Variants in TRDN observed in about 807,000 individuals in gnomAD.
TRDN encodes the protein triadin in skeletal muscle.
A neutral mutation model predicts 149.7 loss-of-function variants in TRDN; 161 were observed. The observed-to-expected ratio is 1.08, with a 90% CI of 0.95 to 1.23. TRDN has a LOEUF of 1.23. TRDN is among the 50% of genes most tolerant of loss of function. The probability of loss-of-function intolerance (pLI) is 0.00; values close to 1 mark genes in which losing one functional copy is unlikely to be tolerated. For synonymous variants in TRDN, 294 were observed against 250.5 expected (o/e 1.17, Z -1.64); for missense variants, 896 against 823.5 (o/e 1.09, Z -1.08).
chr6:123,244,268 C>T (rs1776096851), intron 38 of TRDN, among the ~76,000 whole-genome samples: 1 of 152,104 alleles, frequency 6.6e-6, no homozygotes, highest in Admixed American at 6.6e-5. Context: ...CAGAAGTAGG[C>T]TTCAGAAGGT....
chr6:123,465,972 A>G (rs1160639384), intron 9 of TRDN, among the ~76,000 whole-genome samples: 2 of 152,240 alleles, frequency 1.3e-5, no homozygotes, highest in Admixed American at 1.3e-4. Context: ...TTAGAGTTGC[A>G]CAAACACCAC....
chr6:123,457,399 T>C (rs1180963365), intron 10 of TRDN, among the ~76,000 whole-genome samples: 3 of 152,206 alleles, frequency 2.0e-5, no homozygotes, highest in African/African-American at 7.2e-5. Flanking sequence ...AAAAAGTTAA[T>C]TGTTTTCACA....
At chr6:123,489,993 G>A (rs911918639) in intron 9 of TRDN, among the ~76,000 whole-genome samples, 1 of 151,970 alleles carries the variant, frequency 6.6e-6, no homozygotes, top group South Asian at 2.1e-4. Context: ...AGTGACAGAG[G>A]AAGATATTTC....
intron 38 of TRDN, among the ~76,000 whole-genome samples, chr6:123,231,227 G>A (rs1369621062): frequency 2.0e-5 from 3 of 151,902 alleles, no homozygotes; most frequent in African/African-American, 7.2e-5. Flanking sequence ...AACCCATATA[G>A]AGAAAATGAA....
chr6:123,486,510 G>A (rs1234663494), intron 9 of TRDN, among the ~76,000 whole-genome samples: 1 of 151,864 alleles, frequency 6.6e-6, no homozygotes, highest in Non-Finnish European at 1.5e-5. Flanking sequence ...ATTACCTGAA[G>A]CACTTGGCAT....
chr6:123,233,778 A>T (rs1775694337), intron 38 of TRDN, among the ~76,000 whole-genome samples: 1 of 151,970 alleles, frequency 6.6e-6, no homozygotes, highest in Non-Finnish European at 1.5e-5. Context: ...TTTTAAATCC[A>T]AGCAAAAATA....
intron 2 of TRDN, among the ~76,000 whole-genome samples, chr6:123,555,319 T>C (rs1781588093): frequency 1.3e-5 from 2 of 152,174 alleles, no homozygotes; most frequent in African/African-American, 2.4e-5. Context: ...ATGAATTTAT[T>C]GCGTTCTTAT....
chr6:123,333,668 A>G (rs759815418), intron 22 of TRDN, among the ~76,000 whole-genome samples: 1 of 151,982 alleles, frequency 6.6e-6, no homozygotes, highest in Non-Finnish European at 1.5e-5. Flanking sequence ...AGTGAGGAGG[A>G]TATTAAATCT....
chr6:123,611,211 A>G (rs1260097406), intron 1 of TRDN, among the ~76,000 whole-genome samples: 1 of 152,208 alleles, frequency 6.6e-6, no homozygotes, highest in Non-Finnish European at 1.5e-5. Flanking sequence ...CTCAATGTAT[A>G]AAAATAAGGT....
intron 21 of TRDN, among the ~76,000 whole-genome samples, chr6:123,344,468 T>C (rs893830748): frequency 2.0e-5 from 3 of 152,028 alleles, no homozygotes; most frequent in Admixed American, 1.3e-4. Context: ...AACCACTGAG[T>C]TTTTAACTTT....
At chr6:123,246,651 C>T (rs1776192696) in intron 38 of TRDN, among the ~76,000 whole-genome samples, 1 of 151,928 alleles carries the variant, frequency 6.6e-6, no homozygotes, top group Non-Finnish European at 1.5e-5. Context: ...CAAGTTCTAC[C>T]AGAGGTACAA....
chr6:123,542,405 A>G (rs1280355556), intron 4 of TRDN, among the ~76,000 whole-genome samples: 1 of 152,192 alleles, frequency 6.6e-6, no homozygotes, highest in African/African-American at 2.4e-5. Flanking sequence ...TGTCCAAAAA[A>G]CTAAATATGC....
In TRDN at chr6:123,351,275, C is replaced by T; in HGVS notation, c.1369+1264G>A. The T allele has an allele frequency of 3.1e-6, 3 of 959,354 alleles. No individual in the cohort carries two copies. The South Asian group carries it at 1.4e-4, about 46-fold the overall frequency. The allele number at this position is 959,354 out of a possible 1,614,324, so 59.4% of individuals were successfully genotyped here. On this transcript the variant is annotated intron_variant, in intron 21 of 40. Coordinates refer to ENST00000334268, the MANE Select transcript of TRDN (RefSeq NM_006073.4). ...GTTTACACATTTTCATATCCTTTCA[C>T]ATATGTTTTCATGTTTGCCCTATAC...
In TRDN at chr6:123,217,429, A is replaced by C. The variant is rs1457443195; in HGVS notation, c.*1172T>G. The C allele has an allele frequency of 6.6e-6, 1 of 151,994 alleles. No homozygotes were observed. The highest frequency in any genetic ancestry group is 2.4e-5 in the African/African-American group (1 of 41,422). The allele number at this position is 151,994 out of a possible 1,614,324, so 9.4% of individuals were successfully genotyped here. ...CATAAGTTCAGTTGCAATTGTAAAC[A>C]TGATAAAGGTCACAGAGGCATGACT... is the stretch of plus-strand genomic sequence containing the variant. On this transcript the variant is annotated 3_prime_UTR_variant, in exon 41 of 41. Coordinates refer to ENST00000334268, the MANE Select transcript of TRDN (RefSeq NM_006073.4).
chr6:123,437,895 A>G (rs1774661948), intron 12 of TRDN, among the ~76,000 whole-genome samples, 168 bp downstream of exon 12: 1 of 152,098 alleles, frequency 6.6e-6, no homozygotes, highest in Non-Finnish European at 1.5e-5. Flanking sequence ...CCTTGAATAA[A>G]GTCTTCTTTG....
chr6:123,366,332 A>G, intron 19 of TRDN, 150 bp from the exon 20 acceptor site: 1 of 638,140 alleles, frequency 1.6e-6, no homozygotes, highest in Non-Finnish European at 2.6e-6. Flanking sequence ...CAAAGTGCTT[A>G]TATGATTTTT....
intron 20 of TRDN, among the ~76,000 whole-genome samples, chr6:123,358,978 T>G (rs1368288886): frequency 6.6e-6 from 1 of 152,192 alleles, no homozygotes; most frequent in Non-Finnish European, 1.5e-5. Context: ...AATGCTATTA[T>G]TTCCAAAAAT....
intron 9 of TRDN, among the ~76,000 whole-genome samples, chr6:123,467,792 T>C (rs1246287224): frequency 6.6e-6 from 1 of 152,072 alleles, no homozygotes; most frequent in African/African-American, 2.4e-5. Context: ...TATATAATAA[T>C]ACATAATGAA....
At chr6:123,442,949 T>C (rs1775011907) in intron 10 of TRDN, among the ~76,000 whole-genome samples, 1 of 152,164 alleles carries the variant, frequency 6.6e-6, no homozygotes, top group East Asian at 1.9e-4. Flanking sequence ...TATGCAACTA[T>C]AGATGAATGT....
Sources: gnomAD v4.1 joint callset for allele counts (sites outside exome capture counted in the v4.1 genomes callset) on GRCh38, gnomAD v4.1.1 for gene constraint, MANE v1.5 for transcripts, NCBI Gene and HGNC (gene_info 2026-07-23, HGNC 2026-07-21) for gene names.